ADCY2: variants seen among roughly 807,000 people sequenced by gnomAD.
ADCY2 encodes adenylate cyclase type 2.
A neutral mutation model predicts 125.2 loss-of-function variants in ADCY2; 31 were observed. The observed-to-expected ratio is 0.25, with a 90% CI of 0.19 to 0.33. The LOEUF (loss-of-function observed/expected upper bound fraction) is 0.33. Among genes scored for constraint, ADCY2 ranks in the 10% least tolerant of loss-of-function variants. The pLI, the probability that ADCY2 is intolerant of heterozygous loss-of-function variation, is 1.00. For missense variants in ADCY2, 904 were observed against 1,418.2 expected (o/e 0.64, Z 5.82); for synonymous variants, 512 against 548.4 (o/e 0.93, Z 0.93).
chr5:7,450,461 C>T lies in ADCY2; in HGVS notation c.408+35691C>T, dbSNP rs116747915. Among the ~76,000 whole-genome samples, 499 of 152,192 alleles carry T rather than the reference C, an allele frequency of 3.3e-3. 4 individuals are homozygous for T. Among genetic ancestry groups the T allele is most frequent in the African/African-American group, 0.012 (488 of 41,510 alleles). On this transcript the variant is annotated intron_variant, in intron 2 of 24. Coordinates refer to ENST00000338316, the MANE Select transcript of ADCY2 (RefSeq NM_020546.3). ...AGGCTGAGAAAGGTGAGGAAGCTAC[C>T]AAAGAAAAGTGGGAATCTAGCAGAG... is the stretch of plus-strand genomic sequence containing the variant.
chr5:7,455,765 CAT>C (rs1366513207), intron 2 of ADCY2, among the ~76,000 whole-genome samples: 2 of 142,174 alleles, frequency 1.4e-5, no homozygotes, highest in African/African-American at 2.6e-5. Flanking sequence ...AAAATATATA[CAT>C]ATATACTATA....
At chr5:7,515,814 T>C (rs184802762) in intron 2 of ADCY2, among the ~76,000 whole-genome samples, 1 of 152,318 alleles carries the variant, frequency 6.6e-6, no homozygotes, top group East Asian at 1.9e-4. Context: ...ATCAAGTTCC[T>C]GGTTTTGTCA....
chr5:7,683,950 C>T (rs1740426082), intron 4 of ADCY2, among the ~76,000 whole-genome samples: 1 of 152,226 alleles, frequency 6.6e-6, no homozygotes, highest in Non-Finnish European at 1.5e-5. Flanking sequence ...AGGCTGGCGC[C>T]ACCACCTGGC....
chr5:7,426,047 G>A (rs960087886), intron 2 of ADCY2, among the ~76,000 whole-genome samples: 34 of 152,292 alleles, frequency 2.2e-4, no homozygotes, highest in African/African-American at 7.7e-4. Flanking sequence ...CAGAGGCGAG[G>A]TAGTAAAGTC....
chr5:7,748,103 T>G (rs1176220735), intron 15 of ADCY2, among the ~76,000 whole-genome samples: 1 of 152,182 alleles, frequency 6.6e-6, no homozygotes, highest in Non-Finnish European at 1.5e-5. Context: ...CACCTCTGCC[T>G]CAGGTGCCTT....
At chr5:7,625,001 T>A (rs1738074603) in intron 3 of ADCY2, among the ~76,000 whole-genome samples, 1 of 152,258 alleles carries the variant, frequency 6.6e-6, no homozygotes, top group Non-Finnish European at 1.5e-5. Context: ...AAGACCATTG[T>A]CATACACTGT....
At chr5:7,578,807 C>T (rs1404916058) in intron 3 of ADCY2, among the ~76,000 whole-genome samples, 1 of 152,126 alleles carries the variant, frequency 6.6e-6, no homozygotes, top group African/African-American at 2.4e-5. Flanking sequence ...AGAGTAAGTT[C>T]CTTGCAAACC....
At chr5:7,417,278 T>C (rs1739989330) in intron 2 of ADCY2, among the ~76,000 whole-genome samples, 1 of 152,188 alleles carries the variant, frequency 6.6e-6, no homozygotes. Context: ...TTTTAAAAAT[T>C]ACCTTTGCTA....
chr5:7,656,724 T>C (rs1406914500), intron 4 of ADCY2, among the ~76,000 whole-genome samples: 1 of 152,198 alleles, frequency 6.6e-6, no homozygotes, highest in Non-Finnish European at 1.5e-5. Context: ...GGGAGTGCAC[T>C]GTGACTCAGG....
intron 4 of ADCY2, among the ~76,000 whole-genome samples, chr5:7,662,741 C>T (rs1239193187): frequency 6.6e-6 from 1 of 152,182 alleles, no homozygotes; most frequent in East Asian, 1.9e-4. Context: ...CACGGACCAC[C>T]CTATCCTGGT....
chr5:7,399,639 A>G (rs1739188681), intron 1 of ADCY2, among the ~76,000 whole-genome samples: 1 of 152,240 alleles, frequency 6.6e-6, no homozygotes, highest in African/African-American at 2.4e-5. Context: ...TTATTTGAAG[A>G]CAGGAAACTC....
At chr5:7,510,818 C>G (rs192805542) in intron 2 of ADCY2, among the ~76,000 whole-genome samples, 1 of 152,200 alleles carries the variant, frequency 6.6e-6, no homozygotes, top group Non-Finnish European at 1.5e-5. Flanking sequence ...GTTTTACTTA[C>G]TTACAGTGTG....
chr5:7,452,635 C>T (rs948235386), intron 2 of ADCY2, among the ~76,000 whole-genome samples: 1 of 152,172 alleles, frequency 6.6e-6, no homozygotes, highest in Non-Finnish European at 1.5e-5. Flanking sequence ...ATTGCTGGAT[C>T]AAATGGTAGA....
intron 4 of ADCY2, chr5:7,654,112 C>G (rs192933497): frequency 2.2e-6 from 1 of 456,000 alleles, no homozygotes; most frequent in Admixed American, 2.3e-5. Flanking sequence ...CCACGGGACT[C>G]CTGACATTCA....
chr5:7,524,316 T>G (rs1344432076), intron 3 of ADCY2, among the ~76,000 whole-genome samples: 1 of 152,176 alleles, frequency 6.6e-6, no homozygotes, highest in Non-Finnish European at 1.5e-5. Context: ...AGAGGTAAGT[T>G]GCCAATCTGA....
At chr5:7,665,929 C>T (rs1336968378) in intron 4 of ADCY2, among the ~76,000 whole-genome samples, 4 of 142,458 alleles carry the variant, frequency 2.8e-5, no homozygotes, top group Non-Finnish European at 4.5e-5. Context: ...AGCTCTGCCT[C>T]CCGGGTTCAC....
At chr5:7,594,422 G>A (rs1205521873) in intron 3 of ADCY2, among the ~76,000 whole-genome samples, 2 of 152,232 alleles carry the variant, frequency 1.3e-5, no homozygotes, top group East Asian at 1.9e-4. Context: ...ACCTTTGAAA[G>A]TAAAGGAAGT....
At chr5:7,811,037 G>A (rs565948766) in intron 22 of ADCY2, among the ~76,000 whole-genome samples, 10 of 152,260 alleles carry the variant, frequency 6.6e-5, no homozygotes, top group African/African-American at 2.4e-4. Context: ...GTAATATGCA[G>A]TACCTCTAGC....
At chr5:7,688,966 G>A (rs1034185055) in intron 4 of ADCY2, among the ~76,000 whole-genome samples, 6 of 152,182 alleles carry the variant, frequency 3.9e-5, no homozygotes, top group African/African-American at 1.2e-4. Flanking sequence ...AAGTTTATGC[G>A]TTTTGGGGAT....
Sources: gnomAD v4.1 joint callset for allele counts (sites outside exome capture counted in the v4.1 genomes callset) on GRCh38, gnomAD v4.1.1 for gene constraint, MANE v1.5 for transcripts, NCBI Gene and HGNC (gene_info 2026-07-23, HGNC 2026-07-21) for gene names.